TSC1: variants seen among roughly 807,000 people sequenced by gnomAD.
The protein encoded by TSC1 is hamartin.
A neutral mutation model predicts 124.3 loss-of-function variants in TSC1; 20 were observed. That is an observed-to-expected ratio of 0.16 (90% CI 0.11 to 0.23). TSC1 has a LOEUF of 0.23. Ranked by LOEUF, TSC1 falls within the 10% of genes least tolerant of loss-of-function variation. The pLI, the probability that TSC1 is intolerant of heterozygous loss-of-function variation, is 1.00. For synonymous variants in TSC1, 493 were observed against 539.1 expected, an observed-to-expected ratio of 0.91 and a Z score of 1.19; for missense variants, 1,124 against 1,448.5, an observed-to-expected ratio of 0.78 and a Z score of 3.64.
intron 15 of TSC1, 120 bp downstream of exon 15, chr9:132,905,461 A>T: frequency 7.1e-7 from 1 of 1,399,926 alleles, no homozygotes. Context: ...GACAAACAGC[A>T]GAGAACCAGC....
rs763931959 is a variant in TSC1 at position 132,896,310 on chromosome 9, C to T, written c.3420G>A (p.Pro1140=). 8.1e-6 allele frequency: 13 copies of T among 1,614,022 alleles called. No homozygotes were observed. Among genetic ancestry groups the T allele is most frequent in the East Asian group, 4.5e-5 (2 of 44,884 alleles). The change falls in exon 23 of 23, where the codon CCG becomes CCA. Residue 1140 remains proline, a synonymous_variant. Transcript: ENST00000298552. The surrounding 1 kb of genome is among the most constrained non-coding windows in gnomAD (Gnocchi z 4.5). ...CAACACTGTCCGGGGTCGGGGGAGA[C>T]GGGTGAGGGCCATCTAGGTTCAGGG... The part of the protein sequence containing the change: ...KIPLNLDGPH[P]SPPTPDSVGQ...
chr9:132,907,391 T>C, intron 12 of TSC1, 21 bp from the exon 13 acceptor site: 1 of 1,602,690 alleles, frequency 6.2e-7, no homozygotes, highest in Non-Finnish European at 8.6e-7. Context: ...AAGTATCATT[T>C]ATATCACAAG....
rs1006296649 is a variant in TSC1, at chr9:132,921,238, C to G, written c.737+125G>C. 8 of 1,026,446 alleles carry G rather than the reference C, an allele frequency of 7.8e-6. 1 individual carries two copies. Among genetic ancestry groups the G allele is most frequent in the East Asian group, 2.6e-5 (1 of 38,424 alleles). The allele number at this position is 1,026,446 out of a possible 1,614,324, so 63.6% of individuals were successfully genotyped here. ...CAAATTTTAGCTGTATGAGTGCTTC[C>G]AAGTGGACTGATTCTGTAAGTAGAA... On this transcript the variant is annotated intron_variant, in intron 8 of 22. Coordinates refer to ENST00000298552, the MANE Select transcript of TSC1 (RefSeq NM_000368.5). The surrounding 1 kb of genome is among the most constrained non-coding windows in gnomAD (Gnocchi z 4.3).
chr9:132,938,017 A>G (rs550601736), intron 1 of TSC1, among the ~76,000 whole-genome samples: 2 of 152,300 alleles, frequency 1.3e-5, no homozygotes, highest in African/African-American at 4.8e-5. Context: ...CCCCCTGCCA[A>G]GCAGAGTGTT....
At chr9:132,910,225 T>A (rs1372697344) in intron 12 of TSC1, 2 of 537,052 alleles carry the variant, frequency 3.7e-6, no homozygotes, top group African/African-American at 4.0e-5. Flanking sequence ...TGCATGAGTC[T>A]GGGAGGTCAA....
rs765314309 is a variant in TSC1 at position 132,897,570 on chromosome 9, T to C, written c.2666A>G (p.Glu889Gly). Residue 889 changes from glutamate (E) to glycine (G), a missense_variant, in exon 21 of 23, where the codon GAA becomes GGA. This residue lies in a region of TSC1 where 325 missense variants were observed against 383.4 expected (regional missense o/e 0.85). Transcript: ENST00000298552. ...MMKAAYRKEL[E>G]KNRSHVLQQT... ...CTGGAGAACATGGCTTCTGTTTTTTTCTAGCTCTTTCCGATAGGCGGCTTT... is the reference window on the plus strand; with the variant it reads ...CTGGAGAACATGGCTTCTGTTTTTTCCTAGCTCTTTCCGATAGGCGGCTTT... 6.2e-7 allele frequency: 1 copy of C among 1,602,552 alleles called. No individual in the cohort carries two copies. Among genetic ancestry groups the C allele is most frequent in the Non-Finnish European group, 8.5e-7 (1 of 1,177,396 alleles).
At chr9:132,932,615 T>C (rs12552999) in intron 2 of TSC1, among the ~76,000 whole-genome samples, 1 of 152,166 alleles carries the variant, frequency 6.6e-6, no homozygotes, top group Admixed American at 6.5e-5. Context: ...AACTCATGAG[T>C]AGCCTACAAG....
At position 132,923,866 on chromosome 9, in the gene TSC1, G is replaced by A. The variant is rs1034594353; in HGVS notation, c.364-374C>T. Among the ~76,000 whole-genome samples, 1 of 150,436 alleles carries A rather than the reference G, an allele frequency of 6.6e-6. No individual in the cohort carries two copies. Among genetic ancestry groups the A allele is most frequent in the Non-Finnish European group, 1.5e-5 (1 of 67,818 alleles). ...CAACAAAACACAGGAGCACTGCTCT[G>A]TTTCATTCATTCAACCAAATCCTAA... On this transcript the variant is annotated intron_variant, in intron 5 of 22. Transcript: ENST00000298552. This position sits in a 1 kb window ranked among gnomAD's most constrained non-coding sequence, Gnocchi z 4.2.
At position 132,891,380 on chromosome 9, in the gene TSC1, C is replaced by T. The variant is rs967402218; in HGVS notation, c.*4855G>A. ...AAAACAATAAATTTTTATTTGTTCA[C>T]AGTTAAACACAAGCAACTGCCTTGA... On this transcript the variant is annotated 3_prime_UTR_variant, in exon 23 of 23. Coordinates refer to ENST00000298552, the MANE Select transcript of TSC1 (RefSeq NM_000368.5). 4.3e-6 allele frequency: 1 copy of T among 232,552 alleles called. No homozygotes were observed. Among genetic ancestry groups the T allele is most frequent in the Non-Finnish European group, 8.5e-6 (1 of 117,352 alleles). 14.4% of individuals were successfully genotyped at this position (232,552 alleles called of 1,614,324 possible).
At chr9:132,925,809 T>C in intron 4 of TSC1, 70 bp from the exon 5 acceptor site, 4 of 1,570,530 alleles carry the variant, frequency 2.5e-6, no homozygotes, top group Non-Finnish European at 3.5e-6. Flanking sequence ...AAGACAGCAA[T>C]GATGTGCTCC....
intron 1 of TSC1, among the ~76,000 whole-genome samples, chr9:132,938,523 A>G (rs1006478626): frequency 3.9e-5 from 6 of 152,154 alleles, no homozygotes; most frequent in South Asian, 2.1e-4. Context: ...GTATTTTGAG[A>G]TGAAACAGAA....
intron 20 of TSC1, chr9:132,899,876 C>T (rs1035060939): frequency 6.6e-6 from 1 of 152,246 alleles, no homozygotes; most frequent in Non-Finnish European, 1.5e-5. Flanking sequence ...GTTTCTCCCC[C>T]TTTCTGTTCC....
Position 132,892,669 on chromosome 9 carries a change from C to T in TSC1, c.*3566G>A, listed in dbSNP as rs565450993. ...CAGCGAGAAAAGGTGAGTCTCATTACGCAGAACTTTTGTTTGCTCTTCGGT... is the reference window on the plus strand; with the variant it reads ...CAGCGAGAAAAGGTGAGTCTCATTATGCAGAACTTTTGTTTGCTCTTCGGT... On this transcript the variant is annotated 3_prime_UTR_variant, in exon 23 of 23. Coordinates refer to ENST00000298552, the MANE Select transcript of TSC1 (RefSeq NM_000368.5). The T allele has an allele frequency of 3.9e-5, 9 of 233,370 alleles. No homozygotes were observed. The East Asian group carries it at 4.2e-4, about 11-fold the overall frequency. 14.5% of individuals were successfully genotyped at this position (233,370 alleles called of 1,614,324 possible).
chr9:132,939,401 TCTCAAG>T (rs1847624115), intron 1 of TSC1: 1 of 152,182 alleles, frequency 6.6e-6, no homozygotes. Flanking sequence ...TTGGAGTCCC[TCTCAAG>T]GACAAACTGG....
chr9:132,925,908 A>C, intron 4 of TSC1, 169 bp from the exon 5 acceptor site: 2 of 866,560 alleles, frequency 2.3e-6, no homozygotes, highest in Non-Finnish European at 3.6e-6. Flanking sequence ...TTAGCAAACA[A>C]AACACTGCTG....
chr9:132,928,636 G>A, intron 3 of TSC1, 131 bp downstream of exon 3: 1 of 1,118,128 alleles, frequency 8.9e-7, no homozygotes, highest in Non-Finnish European at 1.3e-6. Flanking sequence ...AACACATATA[G>A]ATACTCTCTT....
At position 132,900,718 on chromosome 9, in the gene TSC1, T is replaced by C. The variant is rs2131684460; in HGVS notation, c.2622A>G (p.Thr874=). 1.2e-6 allele frequency: 2 copies of C among 1,614,122 alleles called. No individual in the cohort carries two copies. Among genetic ancestry groups the C allele is most frequent in the Non-Finnish European group, 1.7e-6 (2 of 1,179,988 alleles). The change falls in exon 20 of 23, where the codon ACA becomes ACG. Residue 874 remains threonine, a synonymous_variant. Transcript: ENST00000298552. ...TGGCTCCCGAGCCCTGGCATACCTT[T>C]GTGGTATCTGAGTGCTTGTTCTGCA... ...EQLQNKHSDT[T]KEVEMMKAAY...
At chr9:132,913,739 T>C (rs1433857773) in intron 8 of TSC1, among the ~76,000 whole-genome samples, 2 of 139,378 alleles carry the variant, frequency 1.4e-5, no homozygotes, top group Non-Finnish European at 3.0e-5. Flanking sequence ...GGCAGGAGAA[T>C]GGCGTGAACC....
At chr9:132,932,713 G>T (rs1335665022) in intron 2 of TSC1, among the ~76,000 whole-genome samples, 1 of 152,076 alleles carries the variant, frequency 6.6e-6, no homozygotes, top group African/African-American at 2.4e-5. Context: ...CCCAAACACA[G>T]GAATACTGGT....
Sources: allele counts gnomAD v4.1 joint callset (sites outside exome capture counted in the v4.1 genomes callset), GRCh38; gene constraint gnomAD v4.1.1; regional missense constraint gnomAD v4.1.1; non-coding constraint Gnocchi (gnomAD v3.1); transcripts MANE v1.5; gene names NCBI Gene and HGNC (gene_info 2026-07-23, HGNC 2026-07-21).